The following MAPRE2 variants were observed in gnomAD, a reference collection of about 807,000 sequenced individuals.
MAPRE2 encodes microtubule-associated protein RP/EB family member 2.
Under a neutral mutation model 43.2 loss-of-function variants are expected in MAPRE2, and 13 were observed. That is an observed-to-expected ratio of 0.30 (90% CI 0.20 to 0.48). The LOEUF is 0.48. Among genes scored for constraint, MAPRE2 ranks in the 20% least tolerant of loss-of-function variants. MAPRE2 has a pLI of 0.99. For missense variants in MAPRE2, 161 were observed against 400.2 expected, an observed-to-expected ratio of 0.40 and a Z score of 5.10; for synonymous variants, 135 against 148.8, an observed-to-expected ratio of 0.91 and a Z score of 0.68.
chr18:35,060,983 G>T (rs542654981), intron 1 of MAPRE2, among the ~76,000 whole-genome samples: 3 of 152,088 alleles, frequency 2.0e-5, no homozygotes, highest in African/African-American at 7.2e-5. Context: ...CTTAATCTCC[G>T]TGTTTTGAAA....
Position 35,001,513 on chromosome 18 carries a change from CAAA to C in MAPRE2, c.-69-3964_-69-3962del, listed in dbSNP as rs57415569. On this transcript the variant is annotated intron_variant, in intron 1 of 7. Coordinates refer to the MAPRE2 transcript ENST00000413393. ...TGGGCAACAGAGCAAGACTTTGTCT[CAAA>C]AAAAAAAAAAAAAAGATACGTGATG... Among the ~76,000 whole-genome samples, 284 of 137,120 alleles carry C rather than the reference CAAA, an allele frequency of 2.1e-3. 2 individuals carry two copies. The highest frequency in any genetic ancestry group is 0.018 in the East Asian group (84 of 4,696). The allele number at this position is 137,120 out of a possible 152,430, so 90.0% of individuals were successfully genotyped here.
intron 1 of MAPRE2, among the ~76,000 whole-genome samples, chr18:35,064,331 ATG>A (rs1906724662): frequency 6.6e-6 from 1 of 151,974 alleles, no homozygotes; most frequent in African/African-American, 2.4e-5. Context: ...ATATACATAT[ATG>A]TATATATACT....
chr18:35,005,795 A>T (rs1464458734), intron 2 of MAPRE2, among the ~76,000 whole-genome samples: 1 of 152,226 alleles, frequency 6.6e-6, no homozygotes, highest in Non-Finnish European at 1.5e-5. Flanking sequence ...CCAATTAATT[A>T]AAGTTTAATT....
At chr18:34,978,217 A>G in intron 1 of MAPRE2, 1 of 467,646 alleles carries the variant, frequency 2.1e-6, no homozygotes, top group Non-Finnish European at 3.8e-6. Context: ...TCCTTTTCCA[A>G]AAAAAGAAGA....
At position 34,986,690 on chromosome 18, in the gene MAPRE2, C is replaced by T. The variant is rs1417219579; in HGVS notation, c.-70+9611C>T. On this transcript the variant is annotated intron_variant, in intron 1 of 7. Transcript: ENST00000413393. ...CTACAGTTGAAATGTTTAGGCAACT[C>T]GGTCAGTGGGTCTGTTAATTCTCCA... is the stretch of plus-strand genomic sequence containing the variant. 3.3e-5 allele frequency among the ~76,000 whole-genome samples: 5 copies of T among 152,244 alleles called. No homozygotes were observed. In the East Asian group the frequency reaches 9.6e-4, roughly 29 times the overall value.
chr18:35,136,872 C>T (rs966772601), intron 6 of MAPRE2, among the ~76,000 whole-genome samples: 1 of 152,256 alleles, frequency 6.6e-6, no homozygotes, highest in Non-Finnish European at 1.5e-5. Context: ...CTTACAATCA[C>T]TCACAGCTCA....
intron 2 of MAPRE2, among the ~76,000 whole-genome samples, chr18:35,034,577 C>G (rs940262681): frequency 6.6e-6 from 1 of 151,906 alleles, no homozygotes; most frequent in African/African-American, 2.4e-5. Context: ...AACAGGCAAC[C>G]TACAAAATGG....
At chr18:35,004,831 T>C (rs1033020659) in intron 1 of MAPRE2, among the ~76,000 whole-genome samples, 3 of 148,930 alleles carry the variant, frequency 2.0e-5, no homozygotes, top group Non-Finnish European at 3.0e-5. Context: ...GGAAGGAGAA[T>C]GGCGTGAGCC....
intron 2 of MAPRE2, among the ~76,000 whole-genome samples, chr18:35,006,133 G>T (rs576485563): frequency 1.3e-5 from 2 of 152,146 alleles, no homozygotes; most frequent in East Asian, 3.9e-4. Flanking sequence ...TCACCTCCAG[G>T]AGCCCTTAGA....
chr18:35,082,118 G>A (rs1312719283), intron 2 of MAPRE2: 4 of 100,312 alleles, frequency 4.0e-5, no homozygotes, highest in South Asian at 3.3e-4. Context: ...GTGAAACCCC[G>A]TCTCTACTAA....
chr18:35,087,035 G>A (rs1306586458), intron 2 of MAPRE2, among the ~76,000 whole-genome samples: 1 of 152,110 alleles, frequency 6.6e-6, no homozygotes, highest in East Asian at 1.9e-4. Context: ...AAATGAAATT[G>A]TCTTAGGCTT....
chr18:34,977,554 C>T (rs2150567305), intron 1 of MAPRE2, among the ~76,000 whole-genome samples: 1 of 152,306 alleles, frequency 6.6e-6, no homozygotes, highest in East Asian at 1.9e-4. Flanking sequence ...GGGCTGCGCG[C>T]TTGGGGGCAG....
intron 4 of MAPRE2, among the ~76,000 whole-genome samples, chr18:35,117,167 G>T (rs1179261872): frequency 6.6e-6 from 1 of 152,108 alleles, no homozygotes; most frequent in Non-Finnish European, 1.5e-5. Flanking sequence ...GAGGAAATTG[G>T]GGATAAATGT....
At chr18:35,010,943 GA>G (rs1446945974) in intron 2 of MAPRE2, among the ~76,000 whole-genome samples, 12 of 152,138 alleles carry the variant, frequency 7.9e-5, no homozygotes, top group African/African-American at 2.4e-4. Context: ...ACTATTATAA[GA>G]TTTTTTTTAC....
Position 35,141,869 on chromosome 18 carries a change from ATTTCT to A in MAPRE2, c.*1503_*1507del, listed in dbSNP as rs548341821. 2.0e-5 allele frequency: 3 copies of A among 152,236 alleles called. No homozygotes were observed. Among genetic ancestry groups the A allele is most frequent in the Admixed American group, 6.5e-5 (1 of 15,284 alleles). The allele number at this position is 152,236 out of a possible 1,614,324, so 9.4% of individuals were successfully genotyped here. ...GAATTATGTATCCTGAAGCTTTGAA[ATTTCT>A]TTATTAATCGATGAAATATGAATTC... On this transcript the variant is annotated 3_prime_UTR_variant, in exon 7 of 7. Coordinates refer to ENST00000300249, the MANE Select transcript of MAPRE2 (RefSeq NM_014268.4).
intron 1 of MAPRE2, among the ~76,000 whole-genome samples, chr18:35,064,795 C>T (rs1177594542): frequency 6.6e-6 from 1 of 152,112 alleles, no homozygotes; most frequent in Non-Finnish European, 1.5e-5. Context: ...ACCTCTCCAC[C>T]CAACACCACC....
intron 2 of MAPRE2, among the ~76,000 whole-genome samples, chr18:35,077,777 T>C (rs906739430): frequency 8.5e-5 from 13 of 152,230 alleles, no homozygotes; most frequent in African/African-American, 3.1e-4. Flanking sequence ...ATTTCTCTTC[T>C]GATTTTGTCT....
chr18:35,034,714 C>A (rs1220443769), intron 2 of MAPRE2, among the ~76,000 whole-genome samples: 2 of 152,182 alleles, frequency 1.3e-5, no homozygotes, highest in Non-Finnish European at 2.9e-5. Flanking sequence ...CATGAACAGA[C>A]ACTTCTCAAA....
At position 35,002,688 on chromosome 18, in the gene MAPRE2, T is replaced by A. The variant is rs183707551; in HGVS notation, c.-69-2804T>A. Among the ~76,000 whole-genome samples, 31 of 152,332 alleles carry A rather than the reference T, an allele frequency of 2.0e-4. 1 individual carries two copies. The East Asian group carries it at 5.8e-3, about 28-fold the overall frequency. ...AATGTTGTATACCATTTAATATTAT[T>A]TGCTTTCCGTATATGTATATCCTCT... On this transcript the variant is annotated intron_variant, in intron 1 of 7. Transcript: ENST00000413393.
Sources: gnomAD v4.1 joint callset for allele counts (sites outside exome capture counted in the v4.1 genomes callset) on GRCh38, gnomAD v4.1.1 for gene constraint, MANE v1.5 for transcripts, NCBI Gene and HGNC (gene_info 2026-07-23, HGNC 2026-07-21) for gene names.